The following LARGE1 variants were observed in gnomAD, a reference collection of about 807,000 sequenced individuals.
LARGE1 encodes the protein LARGE xylosyl- and glucuronyltransferase 1.
LARGE1 carries 43 observed loss-of-function variants against 87.6 expected under a neutral mutation model. The ratio of observed to expected loss-of-function variants is 0.49; its 90% confidence interval spans 0.38 to 0.63. The LOEUF is 0.63. Among genes scored for constraint, LARGE1 ranks in the 30% least tolerant of loss-of-function variants. The pLI, the probability that LARGE1 is intolerant of heterozygous loss-of-function variation, is 0.00. For missense variants in LARGE1, 802 were observed against 1,000.2 expected, an observed-to-expected ratio of 0.80 and a Z score of 2.67; for synonymous variants, 434 against 394.6, an observed-to-expected ratio of 1.10 and a Z score of -1.18.
At chr22:33,731,468 A>G (rs908902088) in intron 2 of LARGE1, among the ~76,000 whole-genome samples, 1 of 152,210 alleles carries the variant, frequency 6.6e-6, no homozygotes, top group Non-Finnish European at 1.5e-5. Context: ...TATTCGTCAG[A>G]GCTGTAGCAG....
chr22:33,880,547 C>T (rs1009949664), intron 1 of LARGE1, among the ~76,000 whole-genome samples: 1 of 152,192 alleles, frequency 6.6e-6, no homozygotes, highest in African/African-American at 2.4e-5. Context: ...AGGGTACACT[C>T]TTACCTGATC....
chr22:33,712,218 G>A (rs1231040983), intron 2 of LARGE1, among the ~76,000 whole-genome samples: 6 of 150,552 alleles, frequency 4.0e-5, no homozygotes, highest in Non-Finnish European at 5.9e-5. Context: ...GGGGATGGGG[G>A]AAAAAAAAAG....
At chr22:33,857,972 T>C (rs978139661) in intron 1 of LARGE1, among the ~76,000 whole-genome samples, 1 of 152,124 alleles carries the variant, frequency 6.6e-6, no homozygotes, top group Admixed American at 6.5e-5. Context: ...TGGCGGCCGG[T>C]CGCTTCCAAG....
At chr22:33,481,277 C>A (rs946684186) in intron 6 of LARGE1, among the ~76,000 whole-genome samples, 21 of 150,500 alleles carry the variant, frequency 1.4e-4, no homozygotes, top group African/African-American at 4.9e-4. Flanking sequence ...TTAAGCACTG[C>A]CAGTGTTTAA....
At chr22:33,465,608 TA>T (rs1369799353) in intron 6 of LARGE1, among the ~76,000 whole-genome samples, 2 of 152,202 alleles carry the variant, frequency 1.3e-5, no homozygotes, top group Non-Finnish European at 2.9e-5. Context: ...TGGGTGCCAG[TA>T]CCATAAGGCG....
intron 2 of LARGE1, among the ~76,000 whole-genome samples, chr22:33,708,832 C>T (rs2082640189): frequency 6.6e-6 from 1 of 152,134 alleles, no homozygotes; most frequent in East Asian, 1.9e-4. Flanking sequence ...AACTCCTGAC[C>T]TCGTGATCCG....
intron 6 of LARGE1, among the ~76,000 whole-genome samples, chr22:33,504,254 G>A (rs901567856): frequency 3.3e-5 from 5 of 151,954 alleles, no homozygotes; most frequent in Non-Finnish European, 7.4e-5. Flanking sequence ...ACTACAAATG[G>A]GTGAATTTTT....
chr22:33,320,691 C>T (rs1372708006), intron 10 of LARGE1, among the ~76,000 whole-genome samples: 2 of 152,182 alleles, frequency 1.3e-5, no homozygotes, highest in East Asian at 3.8e-4. Flanking sequence ...TAATTATATG[C>T]ACAGAAGGTG....
chr22:33,723,414 G>A (rs913783919), intron 2 of LARGE1, among the ~76,000 whole-genome samples: 2 of 152,134 alleles, frequency 1.3e-5, no homozygotes, highest in Non-Finnish European at 2.9e-5. Context: ...AGAAATTCTA[G>A]AATCAGCTCA....
intron 1 of LARGE1, among the ~76,000 whole-genome samples, chr22:33,867,347 C>G (rs1191678651): frequency 6.6e-6 from 1 of 152,196 alleles, no homozygotes; most frequent in Non-Finnish European, 1.5e-5. Context: ...GTTCTGGACT[C>G]TGCTCTGACT....
At chr22:33,854,213 A>AG (rs1491207107) in intron 1 of LARGE1, among the ~76,000 whole-genome samples, 33 of 65,396 alleles carry the variant, frequency 5.0e-4, no homozygotes, top group Non-Finnish European at 6.6e-4. Context: ...ACTTAAGGGG[A>AG]AAAAAAAAAA....
intron 11 of LARGE1, among the ~76,000 whole-genome samples, chr22:33,252,251 T>TCCA (rs1491124077): frequency 9.0e-6 from 1 of 111,522 alleles, no homozygotes; most frequent in Non-Finnish European, 1.8e-5. Flanking sequence ...ATTCCTTCAT[T>TCCA]CCCCCCCCCC....
intron 11 of LARGE1, among the ~76,000 whole-genome samples, chr22:33,200,629 T>A (rs1327029125): frequency 1.3e-5 from 2 of 152,234 alleles, no homozygotes; most frequent in African/African-American, 4.8e-5. Flanking sequence ...CAAAGTGTAA[T>A]ATATCCATAC....
rs545447851 is a variant in LARGE1, at chr22:33,450,521, G to A, written c.788-18256C>T. Among the ~76,000 whole-genome samples the A allele has an allele frequency of 5.9e-5, 9 of 151,996 alleles. No homozygotes were observed. In the East Asian group the frequency reaches 1.4e-3, roughly 23 times the overall value. ...CCAGCTACCCAGGAGGCTGAGGCAGGAGAATCGCTGGAACCCAGCAGGCAG... is the reference window on the plus strand; with the variant it reads ...CCAGCTACCCAGGAGGCTGAGGCAGAAGAATCGCTGGAACCCAGCAGGCAG... On this transcript the variant is annotated intron_variant, in intron 6 of 14. Transcript: ENST00000397394.
At chr22:33,683,791 C>A (rs2081857304) in intron 2 of LARGE1, among the ~76,000 whole-genome samples, 1 of 152,214 alleles carries the variant, frequency 6.6e-6, no homozygotes, top group Non-Finnish European at 1.5e-5. Context: ...ATTGCCTTCT[C>A]TTCCCAGTAA....
intron 2 of LARGE1, among the ~76,000 whole-genome samples, chr22:33,711,618 C>A (rs1262807799): frequency 6.6e-6 from 1 of 152,080 alleles, no homozygotes; most frequent in Admixed American, 6.6e-5. Flanking sequence ...GGAAAGAGCA[C>A]AGAGAAGGGA....
At chr22:33,079,536 T>A in the LARGE1 span, among the ~76,000 whole-genome samples, 25 of 152,214 alleles carry the variant, frequency 1.6e-4, no homozygotes, top group Non-Finnish European at 2.6e-4. Context: ...CATCTAGTTA[T>A]CATTCTTATT....
rs112482572 is a variant in LARGE1, at chr22:33,645,209, G to A, written c.408+5158C>T. 1.2e-4 allele frequency among the ~76,000 whole-genome samples: 15 copies of A among 123,770 alleles called. 1 individual carries two copies. Among genetic ancestry groups the A allele is most frequent in the African/African-American group, 3.8e-4 (15 of 39,314 alleles). The allele number at this position is 123,770 out of a possible 152,430, so 81.2% of individuals were successfully genotyped here. A position where few individuals can be genotyped will look rare whatever the true frequency, so the allele number is the denominator to read the frequency against. On this transcript the variant is annotated intron_variant, in intron 3 of 14. Transcript: ENST00000397394. ...AGCATGGTACTCCTACAAGGCTACAGTAACCAAAACAGCATGGTACTGGTA... is the reference window on the plus strand; with the variant it reads ...AGCATGGTACTCCTACAAGGCTACAATAACCAAAACAGCATGGTACTGGTA...
chr22:33,245,685 G>A (rs1926721523), intron 11 of LARGE1, among the ~76,000 whole-genome samples: 1 of 152,190 alleles, frequency 6.6e-6, no homozygotes, highest in Non-Finnish European at 1.5e-5. Flanking sequence ...GAGGTGCACA[G>A]ATCACCTGAG....
Sources: allele counts gnomAD v4.1 joint callset (sites outside exome capture counted in the v4.1 genomes callset), GRCh38; gene constraint gnomAD v4.1.1; transcripts MANE v1.5; gene names NCBI Gene and HGNC (gene_info 2026-07-23, HGNC 2026-07-21).